Variants in WAPL observed in about 807,000 individuals in gnomAD.
WAPL encodes wings apart-like protein homolog.
In WAPL, 5 loss-of-function variants were observed where a neutral mutation model predicts 121.0. The ratio of observed to expected loss-of-function variants is 0.04; its 90% CI spans 0.02 to 0.09. The LOEUF (loss-of-function observed/expected upper bound fraction) is 0.09, where lower values mean the gene tolerates loss of function less well. Ranked by LOEUF, WAPL falls within the 10% of genes least tolerant of loss-of-function variation. The probability of loss-of-function intolerance (pLI) is 1.00; values close to 1 mark genes in which losing one functional copy is unlikely to be tolerated. For missense variants in WAPL, 999 were observed against 1,410.8 expected, an observed-to-expected ratio of 0.71 and a Z score of 4.68; for synonymous variants, 480 against 481.5, an observed-to-expected ratio of 1.00 and a Z score of 0.04.
intron 7 of WAPL, among the ~76,000 whole-genome samples, chr10:86,471,555 A>G (rs1184238120): frequency 2.0e-5 from 3 of 152,372 alleles, no homozygotes; most frequent in Non-Finnish European, 4.4e-5. Flanking sequence ...TCCAGATCAC[A>G]ATATGCTTAA....
chr10:86,513,031 T>C (rs943912906), intron 2 of WAPL, among the ~76,000 whole-genome samples: 2 of 152,132 alleles, frequency 1.3e-5, no homozygotes, highest in Non-Finnish European at 2.9e-5. Flanking sequence ...GGAACTACTG[T>C]AGGTTTTGCG....
In WAPL at chr10:86,435,369, A is replaced by T. The variant is rs542001636; in HGVS notation, c.*2174T>A. On this transcript the variant is annotated 3_prime_UTR_variant, in exon 19 of 19. Coordinates refer to ENST00000298767, the MANE Select transcript of WAPL (RefSeq NM_015045.5). ...CCTGCCGTTGGCTTTTGCTCCAAAG[A>T]TCACAGCTGAGAAATACTGTATAAA... is the stretch of plus-strand genomic sequence containing the variant. The T allele has an allele frequency of 6.5e-6, 1 of 152,792 alleles. No homozygotes were observed. The highest frequency in any genetic ancestry group is 1.5e-5 in the Non-Finnish European group (1 of 68,038). 9.5% of individuals were successfully genotyped at this position (152,792 alleles called of 1,614,324 possible).
chr10:86,460,517 G>T (rs376651267), intron 10 of WAPL, 21 bp from the exon 11 acceptor site: 3 of 1,589,498 alleles, frequency 1.9e-6, no homozygotes, highest in Non-Finnish European at 1.7e-6. Flanking sequence ...AGAAACAAAC[G>T]TAAGTTAGTA....
At chr10:86,515,218 G>A (rs1029700710) in intron 2 of WAPL, among the ~76,000 whole-genome samples, 1 of 150,586 alleles carries the variant, frequency 6.6e-6, no homozygotes, top group Non-Finnish European at 1.5e-5. Flanking sequence ...CCAAGATAGC[G>A]CCATCGCACT....
Position 86,500,554 on chromosome 10 carries a change from C to A in WAPL, c.689G>T (p.Gly230Val). The change falls in exon 3 of 19, where the codon GGA (glycine) becomes GTA (valine). Residue 230 changes from glycine to valine, a missense_variant. Coordinates refer to ENST00000298767, the MANE Select transcript of WAPL (RefSeq NM_015045.5). ...ESPSEISPIKGSVRTGLFEWD... is the reference protein window; with the variant it reads ...ESPSEISPIKVSVRTGLFEWD... ...TTCAAACAAACCAGTTCTAACAGAT[C>A]CCTTGATTGGAGATATTTCTGATGG... 6.2e-6 allele frequency: 10 copies of A among 1,614,060 alleles called. No individual in the cohort carries two copies. The highest frequency in any genetic ancestry group is 8.5e-6 in the Non-Finnish European group (10 of 1,180,002).
chr10:86,446,225 A>T lies in WAPL; in HGVS notation c.3322+17T>A. 1 of 1,612,310 alleles carries T rather than the reference A, an allele frequency of 6.2e-7. No homozygotes were observed. The highest frequency in any genetic ancestry group is 8.5e-7 in the Non-Finnish European group (1 of 1,178,800). On this transcript the variant is annotated intron_variant, in intron 16 of 18. Transcript: ENST00000298767. ...CCACTATCTTCAATTTAAATACACC[A>T]TTCAAAGTAAATATACCTTTATTGA...
intron 17 of WAPL, among the ~76,000 whole-genome samples, chr10:86,441,749 G>A (rs1849477010): frequency 6.6e-6 from 1 of 151,982 alleles, no homozygotes; most frequent in Admixed American, 6.6e-5. Flanking sequence ...CACCTATAAT[G>A]CCAGCACTTT....
At chr10:86,467,680 T>TG (rs999749441) in intron 8 of WAPL, among the ~76,000 whole-genome samples, 174 bp from the exon 9 acceptor site, 21 of 151,502 alleles carry the variant, frequency 1.4e-4, no homozygotes, top group Admixed American at 2.6e-4. Context: ...TAAAAAATTT[T>TG]TTTTTTTTTT....
intron 2 of WAPL, among the ~76,000 whole-genome samples, chr10:86,509,236 A>C (rs1842411236): frequency 6.6e-6 from 1 of 152,158 alleles, no homozygotes; most frequent in Non-Finnish European, 1.5e-5. Context: ...AAACATCTCA[A>C]ACCCAATGTA....
At chr10:86,501,594 C>T (rs1320490965) in intron 2 of WAPL, among the ~76,000 whole-genome samples, 1 of 152,146 alleles carries the variant, frequency 6.6e-6, no homozygotes, top group Admixed American at 6.6e-5. Flanking sequence ...AAGCTATTTA[C>T]AAATCTCAAT....
At chr10:86,442,051 C>T (rs1849483838) in intron 17 of WAPL, among the ~76,000 whole-genome samples, 1 of 151,782 alleles carries the variant, frequency 6.6e-6, no homozygotes. Flanking sequence ...TTTTTTGAAA[C>T]AGTCTCACTC....
At chr10:86,450,037 A>G (rs1840940510) in intron 15 of WAPL, among the ~76,000 whole-genome samples, 1 of 152,248 alleles carries the variant, frequency 6.6e-6, no homozygotes, top group Non-Finnish European at 1.5e-5. Flanking sequence ...TCTAAAGTGC[A>G]GTTAACAGTA....
At chr10:86,459,183 A>G in intron 11 of WAPL, 118 bp from the exon 12 acceptor site, 1 of 721,530 alleles carries the variant, frequency 1.4e-6, no homozygotes, top group Non-Finnish European at 2.2e-6. Flanking sequence ...AGCCCTTGTT[A>G]CCAAAGGGAA....
intron 12 of WAPL, among the ~76,000 whole-genome samples, chr10:86,454,565 C>T (rs753076451): frequency 2.0e-5 from 3 of 152,226 alleles, no homozygotes; most frequent in East Asian, 1.9e-4. Flanking sequence ...AGTGCAGTGG[C>T]GTGATCTTGG....
At chr10:86,458,959 T>G in intron 12 of WAPL, 30 bp downstream of exon 12, 1 of 1,519,356 alleles carries the variant, frequency 6.6e-7, no homozygotes, top group Non-Finnish European at 9.1e-7. Context: ...GTAACAATGT[T>G]AGTTGTTAAC....
chr10:86,516,481 G>A (rs1842558672), intron 2 of WAPL, among the ~76,000 whole-genome samples: 1 of 152,048 alleles, frequency 6.6e-6, no homozygotes, highest in South Asian at 2.1e-4. Context: ...TTCAAAATAG[G>A]AGATTTTTAT....
intron 9 of WAPL, among the ~76,000 whole-genome samples, chr10:86,466,152 G>C (rs188819897): frequency 2.0e-3 from 305 of 152,242 alleles, no homozygotes; most frequent in African/African-American, 6.8e-3. Flanking sequence ...GTATTATAAG[G>C]AACACCACCT....
At chr10:86,481,079 AAAT>A (rs1356825861) in intron 4 of WAPL, among the ~76,000 whole-genome samples, 1 of 152,230 alleles carries the variant, frequency 6.6e-6, no homozygotes, top group Non-Finnish European at 1.5e-5. Flanking sequence ...GATTAGAAAC[AAAT>A]AATAACAGGA....
At chr10:86,453,155 A>C (rs1218790955) in intron 14 of WAPL, 65 bp downstream of exon 14, 2 of 1,481,908 alleles carry the variant, frequency 1.3e-6, no homozygotes, top group African/African-American at 2.8e-5. Flanking sequence ...ACCCAAACTA[A>C]GGTTAACATT....
Sources: gnomAD v4.1 joint callset for allele counts (sites outside exome capture counted in the v4.1 genomes callset) on GRCh38, gnomAD v4.1.1 for gene constraint, MANE v1.5 for transcripts, NCBI Gene and HGNC (gene_info 2026-07-23, HGNC 2026-07-21) for gene names.